Variants in BRSK1 observed in about 807,000 individuals in gnomAD.
The protein encoded by BRSK1 is serine/threonine-protein kinase BRSK1.
Under a neutral mutation model 86.2 loss-of-function variants are expected in BRSK1, and 17 were observed. That is an observed-to-expected ratio of 0.20 (90% CI 0.14 to 0.30). The LOEUF is 0.30. Ranked by LOEUF, BRSK1 falls within the 10% of genes least tolerant of loss-of-function variation. The pLI is 1.00. For missense variants in BRSK1, 719 were observed against 1,071.9 expected (o/e 0.67, Z 4.60); for synonymous variants, 464 against 440.1 (o/e 1.05, Z -0.68).
intron 7 of BRSK1, 148 bp from the exon 8 acceptor site, chr19:55,301,364 C>T (rs2088567091): frequency 5.4e-6 from 5 of 918,980 alleles, no homozygotes; most frequent in South Asian, 3.7e-5. Flanking sequence ...GTGCCACGGA[C>T]GAGCTAGGGG....
At chr19:55,311,886 C>A (rs376937718) in intron 18 of BRSK1, 25 bp from the exon 19 acceptor site, 1 of 1,609,212 alleles carries the variant, frequency 6.2e-7, no homozygotes, top group South Asian at 1.1e-5. Context: ...GCGGAACCCA[C>A]GAAAAACCTC....
chr19:55,289,347 A>C, intron 3 of BRSK1, 133 bp from the exon 4 acceptor site: 1 of 1,055,742 alleles, frequency 9.5e-7, no homozygotes, highest in Non-Finnish European at 1.4e-6. Context: ...ACCCATGGGA[A>C]TTGGAGTCTC....
intron 17 of BRSK1, 106 bp from the exon 18 acceptor site, chr19:55,308,533 G>A (rs565783940): frequency 3.9e-6 from 3 of 769,148 alleles, no homozygotes; most frequent in East Asian, 5.8e-5. Flanking sequence ...CGGAGATGCA[G>A]GGGGGGTGTT....
chr19:55,302,952 G>A lies in BRSK1; in HGVS notation c.1028+85G>A. On this transcript the variant is annotated intron_variant, in intron 10 of 18. Coordinates refer to ENST00000309383, the MANE Select transcript of BRSK1 (RefSeq NM_032430.2). The surrounding 1 kb of genome is among the most constrained non-coding windows in gnomAD (Gnocchi z 6.3). ...TGCGCACATGCAGAGTGCTGGGCGA[G>A]GAACCCTGGCCTCTCATGGGGCATG... 6.6e-7 allele frequency: 1 copy of A among 1,516,702 alleles called. No homozygotes were observed. The highest frequency in any genetic ancestry group is 8.9e-7 in the Non-Finnish European group (1 of 1,125,200). The allele number at this position is 1,516,702 out of a possible 1,614,324, so 94.0% of individuals were successfully genotyped here.
chr19:55,301,707 A>G lies in BRSK1; in HGVS notation c.825+49A>G, dbSNP rs76093305. 522 of 1,585,816 alleles carry G rather than the reference A, an allele frequency of 3.3e-4. 1 individual carries two copies. The African/African-American group carries it at 6.3e-3, about 19-fold the overall frequency. On this transcript the variant is annotated intron_variant, in intron 8 of 18. Coordinates refer to ENST00000309383, the MANE Select transcript of BRSK1 (RefSeq NM_032430.2). ...GAGGGGGGAACAGTGGCCGATGAAG[A>G]CAGAACCCCCTAGAAAAGTCATGGG...
At chr19:55,299,674 C>T (rs933576776) in intron 7 of BRSK1, among the ~76,000 whole-genome samples, 7 of 152,142 alleles carry the variant, frequency 4.6e-5, no homozygotes, top group Non-Finnish European at 1.0e-4. Context: ...GTGTCAGCCA[C>T]CATGCCCAGC....
chr19:55,312,201 G>A lies in BRSK1; in HGVS notation c.*133G>A. On this transcript the variant is annotated 3_prime_UTR_variant, in exon 19 of 19. Coordinates refer to ENST00000309383, the MANE Select transcript of BRSK1 (RefSeq NM_032430.2). ...ACAAAAACCGGCCTTGCCCTGCAGG[G>A]ATGGGGCTCCACAGGCCGTGCCCAA... 2.0e-6 allele frequency: 1 copy of A among 494,560 alleles called. No individual in the cohort carries two copies. The highest frequency in any genetic ancestry group is 3.6e-6 in the Non-Finnish European group (1 of 280,876). 30.6% of individuals were successfully genotyped at this position (494,560 alleles called of 1,614,324 possible).
intron 7 of BRSK1, among the ~76,000 whole-genome samples, chr19:55,298,492 A>G (rs555330862): frequency 3.3e-5 from 5 of 152,186 alleles, no homozygotes; most frequent in African/African-American, 1.2e-4. Context: ...TTCTTGTTCC[A>G]ATAGTTCCTC....
chr19:55,305,720 T>C (rs1164550520), intron 16 of BRSK1, 134 bp downstream of exon 16: 1 of 1,400,276 alleles, frequency 7.1e-7, no homozygotes, highest in African/African-American at 1.4e-5. Flanking sequence ...ATGGCCAGAG[T>C]TGGTTAGAAG....
At chr19:55,291,898 A>G (rs2088412055) in intron 4 of BRSK1, among the ~76,000 whole-genome samples, 2 of 152,118 alleles carry the variant, frequency 1.3e-5, no homozygotes, top group South Asian at 2.1e-4. Context: ...ACCTGGGACT[A>G]CAGGCACCCG....
chr19:55,302,578 TGA>T lies in BRSK1; in HGVS notation c.858-112_858-111del, dbSNP rs1203813918. ...TCTGGGGCGTCTGGATTCCTGGGTA[TGA>T]GAGAGAAGGGGCCGGGGCCTAGACT... On this transcript the variant is annotated intron_variant, in intron 9 of 18. Transcript: ENST00000309383. This position sits in a 1 kb window ranked among gnomAD's most constrained non-coding sequence, Gnocchi z 6.3. 1.5e-6 allele frequency: 2 copies of T among 1,313,528 alleles called. No individual in the cohort carries two copies. Among genetic ancestry groups the T allele is most frequent in the Non-Finnish European group, 2.1e-6 (2 of 948,914 alleles). 81.4% of individuals were successfully genotyped at this position (1,313,528 alleles called of 1,614,324 possible). A position where few individuals can be genotyped will look rare whatever the true frequency, so the allele number is the denominator to read the frequency against.
rs1425648892 is a variant in BRSK1, at chr19:55,304,670, G to C, written c.1467G>C (p.Gly489=). 2 of 1,490,316 alleles carry C rather than the reference G, an allele frequency of 1.3e-6. No homozygotes were observed. The highest frequency in any genetic ancestry group is 2.5e-5 in the Admixed American group (1 of 40,424). The allele number at this position is 1,490,316 out of a possible 1,614,324, so 92.3% of individuals were successfully genotyped here. A position where few individuals can be genotyped will look rare whatever the true frequency, so the allele number is the denominator to read the frequency against. ...GGGGCCCCAGGGGTGGGGGCGCCGG[G>C]GAGCAGCCCCCGCCCCCCAGTGCCC... ...PSRGPRGGGA[G]EQPPPPSARS... The change falls in exon 14 of 19, where the codon GGG becomes GGC. Residue 489 remains glycine (G), a synonymous_variant. Transcript: ENST00000309383. This position sits in a 1 kb window ranked among gnomAD's most constrained non-coding sequence, Gnocchi z 5.2.
rs150015797 is a variant in BRSK1 at position 55,302,118 on chromosome 19, C to T, written c.826-19C>T. ...CTACGACCTCACTTCTGCTTCTCTA[C>T]GACTCACCACCCTCACAGCTGGAGC... On this transcript the variant is annotated intron_variant, in intron 8 of 18. Coordinates refer to ENST00000309383, the MANE Select transcript of BRSK1 (RefSeq NM_032430.2). The surrounding 1 kb of genome is among the most constrained non-coding windows in gnomAD (Gnocchi z 6.3). The T allele has an allele frequency of 4.1e-4, 658 of 1,614,150 alleles. No homozygotes were observed. Among genetic ancestry groups the T allele is most frequent in the Admixed American group, 6.2e-4 (37 of 60,028 alleles).
chr19:55,289,350 G>A (rs2088369889), intron 3 of BRSK1, 130 bp from the exon 4 acceptor site: 6 of 1,086,104 alleles, frequency 5.5e-6, no homozygotes, highest in Non-Finnish European at 7.9e-6. Context: ...CATGGGAATT[G>A]GAGTCTCTTT....
Position 55,308,246 on chromosome 19 carries a change from C to T in BRSK1, c.2090-393C>T, listed in dbSNP as rs371756828. Reference sequence around the variant, plus strand: ...ATGTTGGCCAGGCTGGTCTCGAACTCCTGAGCAACCTCAAGTGATCTGCCC... The same window carrying T: ...ATGTTGGCCAGGCTGGTCTCGAACTTCTGAGCAACCTCAAGTGATCTGCCC... On this transcript the variant is annotated intron_variant, in intron 17 of 18. Transcript: ENST00000309383. Among the ~76,000 whole-genome samples the T allele has an allele frequency of 9.6e-5, 11 of 114,622 alleles. No individual in the cohort carries two copies. In the East Asian group the frequency reaches 1.6e-3, roughly 16 times the overall value. 75.2% of individuals were successfully genotyped at this position (114,622 alleles called of 152,430 possible).
chr19:55,293,563 A>T (rs188398701), intron 4 of BRSK1, among the ~76,000 whole-genome samples: 17 of 152,068 alleles, frequency 1.1e-4, no homozygotes, highest in African/African-American at 4.1e-4. Flanking sequence ...CTGTAATCCC[A>T]GCACTTTGAG....
At chr19:55,305,412 C>G in intron 15 of BRSK1, 43 bp downstream of exon 15, 1 of 1,614,118 alleles carries the variant, frequency 6.2e-7, no homozygotes, top group Non-Finnish European at 8.5e-7. Flanking sequence ...GCAGGGGATT[C>G]ATGCCCTCGG....
chr19:55,296,292 G>C (rs71367168), intron 7 of BRSK1, among the ~76,000 whole-genome samples: 18,531 of 152,124 alleles, frequency 0.12, 1,292 homozygotes, highest in Middle Eastern at 0.2. Flanking sequence ...CTGAGGTCAG[G>C]GCCGATGTCT....
chr19:55,290,599 A>G (rs1290241056), intron 4 of BRSK1, among the ~76,000 whole-genome samples: 1 of 151,934 alleles, frequency 6.6e-6, no homozygotes, highest in Admixed American at 6.6e-5. Flanking sequence ...ATTTTGATAA[A>G]TTCCAGTTTG....
Sources: allele counts gnomAD v4.1 joint callset (sites outside exome capture counted in the v4.1 genomes callset), GRCh38; gene constraint gnomAD v4.1.1; non-coding constraint Gnocchi (gnomAD v3.1); transcripts MANE v1.5; gene names NCBI Gene and HGNC (gene_info 2026-07-23, HGNC 2026-07-21).